NRXN3: variants seen among roughly 807,000 people sequenced by gnomAD.
NRXN3 encodes neurexin III.
A neutral mutation model predicts 137.6 loss-of-function variants in NRXN3; 32 were observed. The ratio of observed to expected loss-of-function variants is 0.23; its 90% CI spans 0.18 to 0.31. The LOEUF is 0.31. NRXN3 is among the 10% of genes least tolerant of loss of function. NRXN3 has a pLI of 1.00. For synonymous variants in NRXN3, 798 were observed against 784.5 expected (o/e 1.02, Z -0.29); for missense variants, 1,574 against 2,062.5 (o/e 0.76, Z 4.59).
chr14:78,277,817 G>A (rs768552903), intron 2 of NRXN3, among the ~76,000 whole-genome samples: 4 of 152,152 alleles, frequency 2.6e-5, no homozygotes, highest in Admixed American at 6.5e-5. Flanking sequence ...TGATAGGCGC[G>A]AACCGTTCTT....
At chr14:79,530,168 CACAG>C (rs2097156852) in intron 16 of NRXN3, among the ~76,000 whole-genome samples, 1 of 152,050 alleles carries the variant, frequency 6.6e-6, no homozygotes, top group Non-Finnish European at 1.5e-5. Context: ...TCTCCAAACT[CACAG>C]ACATTTGCCC....
At chr14:78,409,114 G>C (rs1441753344) in intron 4 of NRXN3, among the ~76,000 whole-genome samples, 2 of 152,194 alleles carry the variant, frequency 1.3e-5, no homozygotes, top group Admixed American at 1.3e-4. Context: ...ACACTAGGCT[G>C]GTTGCTACAA....
At chr14:79,508,390 A>ATTTTTTTTTTTTTTTTTTGTTTTTTTTT (rs528502246) in intron 16 of NRXN3, among the ~76,000 whole-genome samples, 1 of 48,240 alleles carries the variant, frequency 2.1e-5, no homozygotes, top group Non-Finnish European at 4.0e-5. Flanking sequence ...ACAATAACTG[A>ATTTTTTTTTTTTTTTTTTGTTTTTTTTT]TTTTTTTTTT....
intron 15 of NRXN3, among the ~76,000 whole-genome samples, chr14:79,031,753 G>A (rs2099608592): frequency 6.6e-6 from 1 of 151,934 alleles, no homozygotes; most frequent in Non-Finnish European, 1.5e-5. Context: ...AAAACAAGAG[G>A]GAATTGTAAA....
intron 16 of NRXN3, among the ~76,000 whole-genome samples, chr14:79,489,872 T>C (rs934281723): frequency 1.3e-5 from 2 of 151,762 alleles, no homozygotes; most frequent in Admixed American, 6.6e-5. Context: ...ACTCCACCTC[T>C]ACTAAAAATA....
intron 4 of NRXN3, among the ~76,000 whole-genome samples, chr14:78,456,014 T>C (rs957503794): frequency 2.0e-5 from 3 of 152,186 alleles, no homozygotes; most frequent in Admixed American, 2.0e-4. Flanking sequence ...ACATCAAATG[T>C]CTCCCTGACC....
At chr14:79,752,949 A>G (rs886435593) in intron 19 of NRXN3, among the ~76,000 whole-genome samples, 4 of 152,128 alleles carry the variant, frequency 2.6e-5, no homozygotes, top group Non-Finnish European at 2.9e-5. Flanking sequence ...CATTTATGCA[A>G]CCAAAAGACA....
chr14:78,605,936 C>A (rs1298022893), intron 4 of NRXN3, among the ~76,000 whole-genome samples: 1 of 151,854 alleles, frequency 6.6e-6, no homozygotes, highest in South Asian at 2.1e-4. Context: ...TATAAGTGTG[C>A]GAGTGTGTAT....
chr14:79,701,688 T>TAAAC (rs1226895195), intron 19 of NRXN3, among the ~76,000 whole-genome samples: 1 of 152,026 alleles, frequency 6.6e-6, no homozygotes, highest in Non-Finnish European at 1.5e-5. Context: ...GCTATTAGTC[T>TAAAC]AAACAGTCAC....
chr14:79,633,620 G>A (rs959351747), intron 16 of NRXN3, among the ~76,000 whole-genome samples: 1 of 152,128 alleles, frequency 6.6e-6, no homozygotes, highest in Non-Finnish European at 1.5e-5. Flanking sequence ...CACCTCTTCT[G>A]TTCTGCTCTT....
intron 4 of NRXN3, among the ~76,000 whole-genome samples, chr14:78,603,538 A>C (rs909496222): frequency 1.3e-5 from 2 of 152,226 alleles, no homozygotes; most frequent in African/African-American, 4.8e-5. Context: ...AAGATGGATT[A>C]ATATTTTTTC....
At chr14:79,472,829 T>A (rs2096526731) in intron 16 of NRXN3, among the ~76,000 whole-genome samples, 1 of 152,174 alleles carries the variant, frequency 6.6e-6, no homozygotes, top group African/African-American at 2.4e-5. Context: ...GAGATTGGCA[T>A]GAAGTGCTTG....
At chr14:79,629,815 G>A (rs112553273) in intron 16 of NRXN3, among the ~76,000 whole-genome samples, 4 of 74,198 alleles carry the variant, frequency 5.4e-5, no homozygotes, top group African/African-American at 3.2e-4. Flanking sequence ...GTGTATGTGC[G>A]TGTGTGTGTG....
chr14:78,816,901 C>T (rs990667167), intron 10 of NRXN3, among the ~76,000 whole-genome samples: 2 of 152,186 alleles, frequency 1.3e-5, no homozygotes, highest in Non-Finnish European at 2.9e-5. Context: ...ATCTTTTCCT[C>T]CCATCCTTTA....
chr14:79,681,016 A>G (rs1475217238), intron 17 of NRXN3, among the ~76,000 whole-genome samples: 2 of 151,980 alleles, frequency 1.3e-5, no homozygotes, highest in African/African-American at 4.8e-5. Context: ...CCTTTCTCCA[A>G]TTTTCCTTCC....
chr14:78,180,749 C>T (rs989429731), intron 1 of NRXN3, among the ~76,000 whole-genome samples: 2 of 152,172 alleles, frequency 1.3e-5, no homozygotes, highest in African/African-American at 4.8e-5. Context: ...CCATAAATCC[C>T]AGGGTCTTGC....
intron 19 of NRXN3, among the ~76,000 whole-genome samples, chr14:79,754,562 A>G (rs1407779002): frequency 4.8e-5 from 3 of 62,714 alleles, no homozygotes; most frequent in East Asian, 4.6e-4. Flanking sequence ...ATATATATAT[A>G]TGCACACATA....
At chr14:78,958,761 G>C (rs2099402246) in intron 11 of NRXN3, among the ~76,000 whole-genome samples, 1 of 152,156 alleles carries the variant, frequency 6.6e-6, no homozygotes, top group Non-Finnish European at 1.5e-5. Flanking sequence ...GGGCAGCATG[G>C]GGTATTACAT....
chr14:78,791,778 C>G (rs1200864844), intron 8 of NRXN3, among the ~76,000 whole-genome samples: 2 of 152,064 alleles, frequency 1.3e-5, no homozygotes, highest in African/African-American at 4.8e-5. Flanking sequence ...AGACACAGTC[C>G]AGATAGCTAA....
Sources: gnomAD v4.1 joint callset for allele counts (sites outside exome capture counted in the v4.1 genomes callset) on GRCh38, gnomAD v4.1.1 for gene constraint, MANE v1.5 for transcripts, NCBI Gene and HGNC (gene_info 2026-07-23, HGNC 2026-07-21) for gene names.